Variants in ST14 observed in about 807,000 individuals in gnomAD.
ST14 encodes the protein ST14 transmembrane serine protease matriptase, also known as suppressor of tumorigenicity 14 protein.
Under a neutral mutation model 96.5 loss-of-function variants are expected in ST14, and 40 were observed. That is an observed-to-expected ratio of 0.41 (90% CI 0.32 to 0.54). The LOEUF (loss-of-function observed/expected upper bound fraction) is 0.54. Among genes scored for constraint, ST14 ranks in the 20% least tolerant of loss-of-function variants. The pLI is 0.17. For missense variants in ST14, 1,066 were observed against 1,188.9 expected (o/e 0.90, Z 1.52); for synonymous variants, 506 against 492.1 (o/e 1.03, Z -0.37).
chr11:130,183,031 A>C (rs1200939424), intron 1 of ST14, among the ~76,000 whole-genome samples: 1 of 150,700 alleles, frequency 6.6e-6, no homozygotes, highest in African/African-American at 2.5e-5. Flanking sequence ...ATTTTGGCTC[A>C]CCGCAACCTC....
Position 130,196,643 on chromosome 11 carries a change from C to A in ST14, c.1297C>A (p.Gln433Lys). The A allele has an allele frequency of 6.2e-7, 1 of 1,614,156 alleles. No homozygotes were observed. Among genetic ancestry groups the A allele is most frequent in the South Asian group, 1.1e-5 (1 of 91,080 alleles). The change falls in exon 11 of 19, where the codon CAG becomes AAG. Residue 433 changes from glutamine (Q) to lysine (K), a missense_variant. Physicochemically the swap from Gln to Lys is moderately conservative, Grantham distance 53 (BLOSUM62 1). Transcript: ENST00000278742. ...NKITVRFHSD[Q>K]SYTDTGFLAE... ...GATCACAGTTCGCTTCCACTCAGAT[C>A]AGTCCTACACCGACACCGGCTTCTT...
intron 7 of ST14, 29 bp downstream of exon 7, chr11:130,190,723 G>A (rs1272023738): frequency 3.4e-5 from 52 of 1,543,426 alleles, no homozygotes; most frequent in Non-Finnish European, 4.1e-5. Flanking sequence ...GGGTAGGGCT[G>A]TGGGAGCTTG....
chr11:130,201,871 C>A (rs1417774763), intron 16 of ST14, among the ~76,000 whole-genome samples: 1 of 152,242 alleles, frequency 6.6e-6, no homozygotes, highest in African/African-American at 2.4e-5. Context: ...AGCCACCATG[C>A]CTGGCCCAAC....
chr11:130,184,346 C>T (rs1953219183), intron 1 of ST14, among the ~76,000 whole-genome samples: 1 of 152,172 alleles, frequency 6.6e-6, no homozygotes, highest in African/African-American at 2.4e-5. Context: ...TAGAACCAAA[C>T]GCTGAAGAAA....
At chr11:130,160,724 A>G (rs1200858821) in intron 1 of ST14, among the ~76,000 whole-genome samples, 1 of 152,224 alleles carries the variant, frequency 6.6e-6, no homozygotes, top group Non-Finnish European at 1.5e-5. Flanking sequence ...GGCAGAAAGA[A>G]CAATGAAAGA....
chr11:130,195,967 A>C (rs1180603628), intron 9 of ST14, among the ~76,000 whole-genome samples: 2 of 151,586 alleles, frequency 1.3e-5, no homozygotes, highest in Non-Finnish European at 2.9e-5. Context: ...GACCAGCCTG[A>C]CCAACATGGT....
At chr11:130,172,109 T>A (rs1457713087) in intron 1 of ST14, among the ~76,000 whole-genome samples, 2 of 151,874 alleles carry the variant, frequency 1.3e-5, no homozygotes, top group African/African-American at 4.8e-5. Context: ...TGTTTTTTTG[T>A]TTCTTTTGGT....
chr11:130,178,945 T>C (rs1467091951), intron 1 of ST14, among the ~76,000 whole-genome samples: 1 of 152,194 alleles, frequency 6.6e-6, no homozygotes, highest in Admixed American at 6.5e-5. Flanking sequence ...CAGGGACTTC[T>C]GGGATGATGC....
chr11:130,209,454 T>C lies in ST14; in HGVS notation c.2282T>C (p.Leu761Pro). The change falls in exon 18 of 19, where the codon CTG becomes CCG. Residue 761 changes from leucine to proline, a missense_variant. Physicochemically the swap from Leu to Pro is moderately conservative, Grantham distance 98. Coordinates refer to ENST00000278742, the MANE Select transcript of ST14 (RefSeq NM_021978.4). ...GCCCTCTCCCCAGGCACTGGCGCGC[T>C]GATCCTGCAAAAGGGTGAGATCCGC... ...GHTQYGGTGA[L>P]ILQKGEIRVI... 6.3e-7 allele frequency: 1 copy of C among 1,584,784 alleles called. No individual in the cohort carries two copies. Among genetic ancestry groups the C allele is most frequent in the Non-Finnish European group, 8.6e-7 (1 of 1,165,636 alleles).
chr11:130,162,026 C>T (rs1306113851), intron 1 of ST14, among the ~76,000 whole-genome samples: 1 of 152,222 alleles, frequency 6.6e-6, no homozygotes. Context: ...GTGTTTGCAG[C>T]TAGGATGTCC....
chr11:130,165,798 C>G (rs978818144), intron 1 of ST14, among the ~76,000 whole-genome samples: 3 of 152,214 alleles, frequency 2.0e-5, no homozygotes, highest in Non-Finnish European at 2.9e-5. Context: ...GCCCAGTTCA[C>G]AGACGAGAAT....
chr11:130,194,639 G>C lies in ST14; in HGVS notation c.1016-1G>C. On this transcript the variant is annotated splice_acceptor_variant, in intron 8 of 18. Transcript: ENST00000278742. LOFTEE classifies it high-confidence loss of function. Reference sequence around the variant, plus strand: ...TTGCTTTCTCCCACCTTCCCTCTCAGGCTGTGGAGGCCGCTTACGTAAAGC... The same window carrying C: ...TTGCTTTCTCCCACCTTCCCTCTCACGCTGTGGAGGCCGCTTACGTAAAGC... 6.2e-7 allele frequency: 1 copy of C among 1,614,152 alleles called. No homozygotes were observed. Among genetic ancestry groups the C allele is most frequent in the Non-Finnish European group, 8.5e-7 (1 of 1,180,014 alleles).
In ST14 at chr11:130,160,459, C is replaced by T. The variant is rs186385363; in HGVS notation, c.81+399C>T. On this transcript the variant is annotated intron_variant, in intron 1 of 18. Coordinates refer to ENST00000278742, the MANE Select transcript of ST14 (RefSeq NM_021978.4). ...CAGGAGGGTTTGGAGTCTCAGCCAT[C>T]CTTGGCCTCTGCAGAAAGTTTCTTT... is the stretch of plus-strand genomic sequence containing the variant. 1.1e-3 allele frequency among the ~76,000 whole-genome samples: 162 copies of T among 152,300 alleles called. 1 individual carries two copies. The highest frequency in any genetic ancestry group is 3.8e-4 in the Non-Finnish European group (26 of 68,028).
At chr11:130,175,388 T>C (rs1483306477) in intron 1 of ST14, among the ~76,000 whole-genome samples, 1 of 152,162 alleles carries the variant, frequency 6.6e-6, no homozygotes, top group Non-Finnish European at 1.5e-5. Flanking sequence ...TCTCTTTCTT[T>C]TTGTTTTTGA....
chr11:130,197,679 T>G (rs1437745956), intron 11 of ST14, among the ~76,000 whole-genome samples, 162 bp from the exon 12 acceptor site: 1 of 152,204 alleles, frequency 6.6e-6, no homozygotes, highest in African/African-American at 2.4e-5. Flanking sequence ...AGGAACCCCT[T>G]TGTCACAGCT....
chr11:130,198,689 G>A (rs531267863), intron 14 of ST14, 68 bp downstream of exon 14: 378 of 1,445,212 alleles, frequency 2.6e-4, no homozygotes, highest in Non-Finnish European at 1.6e-4. Flanking sequence ...CTGAGCACAC[G>A]CACATGCAGG....
At chr11:130,200,910 T>C (rs183599662) in intron 16 of ST14, among the ~76,000 whole-genome samples, 12 of 152,332 alleles carry the variant, frequency 7.9e-5, no homozygotes, top group Admixed American at 6.5e-4. Context: ...CTCCTCGGAT[T>C]GGCCAACGTG....
chr11:130,176,229 A>G (rs1459993251), intron 1 of ST14, among the ~76,000 whole-genome samples: 1 of 151,550 alleles, frequency 6.6e-6, no homozygotes, highest in Non-Finnish European at 1.5e-5. Context: ...TATCATTGGT[A>G]CCTCTTTTTC....
At chr11:130,191,453 G>C (rs1291962927) in intron 7 of ST14, among the ~76,000 whole-genome samples, 1 of 152,150 alleles carries the variant, frequency 6.6e-6, no homozygotes, top group Admixed American at 6.5e-5. Flanking sequence ...ACTTTGGGAG[G>C]CCAAGGCGGC....
Sources: allele counts gnomAD v4.1 joint callset (sites outside exome capture counted in the v4.1 genomes callset), GRCh38; gene constraint gnomAD v4.1.1; transcripts MANE v1.5; gene names NCBI Gene and HGNC (gene_info 2026-07-23, HGNC 2026-07-21).